IFNAR1: variants seen among roughly 807,000 people sequenced by gnomAD.
IFNAR1 encodes the protein interferon alpha and beta receptor subunit 1, also known as interferon alpha/beta receptor 1.
In IFNAR1, 47 loss-of-function variants were observed where a neutral mutation model predicts 62.1. The ratio of observed to expected loss-of-function variants is 0.76; its 90% confidence interval spans 0.60 to 0.97. IFNAR1 has a LOEUF of 0.97. Ranked by LOEUF, IFNAR1 falls within the 50% of genes least tolerant of loss-of-function variation. IFNAR1 has a pLI of 0.00. For synonymous variants in IFNAR1, 219 were observed against 226.9 expected (o/e 0.97, Z 0.31); for missense variants, 638 against 654.5 (o/e 0.97, Z 0.27).
chr21:33,348,482 T>C (rs2083369662), intron 6 of IFNAR1, among the ~76,000 whole-genome samples: 2 of 152,224 alleles, frequency 1.3e-5, no homozygotes, highest in African/African-American at 4.8e-5. Context: ...CCTCTGTCTT[T>C]AAAACAATTT....
At chr21:33,345,572 C>T (rs1476249310) in intron 6 of IFNAR1, among the ~76,000 whole-genome samples, 1 of 152,138 alleles carries the variant, frequency 6.6e-6, no homozygotes, top group Non-Finnish European at 1.5e-5. Context: ...CCATGGGCCT[C>T]AATTTCTTCA....
chr21:33,326,254 G>T (rs1011222552), intron 1 of IFNAR1, among the ~76,000 whole-genome samples: 2 of 148,600 alleles, frequency 1.3e-5, no homozygotes, highest in South Asian at 2.1e-4. Flanking sequence ...GCCCAGGCTG[G>T]TGTGCAGAGG....
intron 1 of IFNAR1, among the ~76,000 whole-genome samples, chr21:33,325,401 C>T (rs1291488540): frequency 6.6e-6 from 1 of 152,196 alleles, no homozygotes; most frequent in Non-Finnish European, 1.5e-5. Flanking sequence ...GGTGCCAGAG[C>T]TTTGTGTCGA....
At chr21:33,341,914 C>T (rs2083295629) in intron 3 of IFNAR1, among the ~76,000 whole-genome samples, 1 of 152,184 alleles carries the variant, frequency 6.6e-6, no homozygotes, top group African/African-American at 2.4e-5. Context: ...CTCCCAACCT[C>T]AGGTGATCTG....
rs904459880 is a variant in IFNAR1, at chr21:33,359,083, C to T, written c.*3534C>T. On this transcript the variant is annotated 3_prime_UTR_variant, in exon 11 of 11. Coordinates refer to ENST00000270139, the MANE Select transcript of IFNAR1 (RefSeq NM_000629.3). Reference sequence around the variant, plus strand: ...GGGACCTTATTATTCATTACTGCATCCCCAGTAATGAAAGTACTTAGAAAA... The same window carrying T: ...GGGACCTTATTATTCATTACTGCATTCCCAGTAATGAAAGTACTTAGAAAA... 2 of 152,060 alleles carry T rather than the reference C, an allele frequency of 1.3e-5. No individual in the cohort carries two copies. The highest frequency in any genetic ancestry group is 2.9e-5 in the Non-Finnish European group (2 of 68,016). The allele number at this position is 152,060 out of a possible 1,614,324, so 9.4% of individuals were successfully genotyped here.
At chr21:33,352,936 A>C (rs1330565406) in intron 9 of IFNAR1, 28 bp downstream of exon 9, 5 of 1,519,570 alleles carry the variant, frequency 3.3e-6, no homozygotes, top group Non-Finnish European at 4.5e-6. Flanking sequence ...TCTTTTTTAA[A>C]AATGTAGCTA....
intron 9 of IFNAR1, 81 bp from the exon 10 acceptor site, chr21:33,353,557 C>T (rs575787006): frequency 1.4e-6 from 1 of 720,150 alleles, no homozygotes; most frequent in South Asian, 2.1e-5. Context: ...TTTCATATGG[C>T]TAGTCTTTCA....
At chr21:33,327,660 A>C (rs988162273) in intron 1 of IFNAR1, among the ~76,000 whole-genome samples, 1 of 152,190 alleles carries the variant, frequency 6.6e-6, no homozygotes, top group African/African-American at 2.4e-5. Flanking sequence ...CTGTGAGCCC[A>C]AAAATATCTG....
chr21:33,328,362 G>A (rs1376243104), intron 1 of IFNAR1, among the ~76,000 whole-genome samples: 1 of 152,098 alleles, frequency 6.6e-6, no homozygotes, highest in Admixed American at 6.5e-5. Context: ...AGAGAGGAGG[G>A]TATAATGAGG....
intron 3 of IFNAR1, among the ~76,000 whole-genome samples, chr21:33,342,715 G>A (rs1765014175): frequency 1.3e-5 from 2 of 149,644 alleles, no homozygotes; most frequent in Admixed American, 1.3e-4. Flanking sequence ...AAACTAGCCG[G>A]GCATGGTGGC....
chr21:33,343,283 C>T lies in IFNAR1; in HGVS notation c.392C>T (p.Pro131Leu), dbSNP rs1365775824. The T allele has an allele frequency of 1.2e-6, 2 of 1,612,412 alleles. No individual in the cohort carries two copies. The highest frequency in any genetic ancestry group is 4.5e-5 in the East Asian group (2 of 44,868). Reference sequence around the variant, plus strand: ...TTTTTTGCAGCTCAGATTGGTCCTCCAGAAGTACATTTAGAAGCTGAAGAT... The same window carrying T: ...TTTTTTGCAGCTCAGATTGGTCCTCTAGAAGTACATTTAGAAGCTGAAGAT... ...TPFRKAQIGP[P>L]EVHLEAEDKA... The change falls in exon 4 of 11, where the codon CCA becomes CTA. Residue 131 changes from proline (P) to leucine (L), a missense_variant. Physicochemically the swap from Pro to Leu is moderately conservative, Grantham distance 98. Coordinates refer to ENST00000270139, the MANE Select transcript of IFNAR1 (RefSeq NM_000629.3).
At chr21:33,344,577 G>A (rs944978818) in intron 5 of IFNAR1, among the ~76,000 whole-genome samples, 2 of 151,738 alleles carry the variant, frequency 1.3e-5, no homozygotes, top group African/African-American at 4.8e-5. Context: ...CAGGATTTAT[G>A]TAAGCATATA....
chr21:33,332,834 G>A (rs1176187360), intron 1 of IFNAR1, among the ~76,000 whole-genome samples: 1 of 152,136 alleles, frequency 6.6e-6, no homozygotes. Flanking sequence ...GAAAAAACAA[G>A]TGAAACCCTA....
At chr21:33,342,688 C>CAAA (rs757422966) in intron 3 of IFNAR1, among the ~76,000 whole-genome samples, 1,654 of 93,470 alleles carry the variant, frequency 0.018, 55 homozygotes, top group African/African-American at 0.063. Context: ...ACTAAAAATA[C>CAAA]AAAAAAAAAA....
rs2083110283 is a variant in IFNAR1 at position 33,324,990 on chromosome 21, G to A, written c.-66G>A. On this transcript the variant is annotated 5_prime_UTR_variant, in exon 1 of 11. Transcript: ENST00000270139. ...GGGGCGGTGTGACTTAGGACGGGGC[G>A]ATGGCGGCTGAGAGGAGCTGCGCGT... The A allele has an allele frequency of 1.6e-5, 23 of 1,438,218 alleles. No homozygotes were observed. Among genetic ancestry groups the A allele is most frequent in the Non-Finnish European group, 2.1e-5 (22 of 1,045,792 alleles). The allele number at this position is 1,438,218 out of a possible 1,614,324, so 89.1% of individuals were successfully genotyped here.
chr21:33,349,448 A>G lies in IFNAR1; in HGVS notation c.1048A>G (p.Ile350Val). The change falls in exon 8 of 11, where the codon ATC becomes GTC. Residue 350 changes from isoleucine (I) to valine (V), a missense_variant. Coordinates refer to ENST00000270139, the MANE Select transcript of IFNAR1 (RefSeq NM_000629.3). ...RSLSDSFHIY[I>V]GAPKQSGNTP... Reference sequence around the variant, plus strand: ...CCTTAGTGATTCATTCCATATCTATATCGGTGCTCCAAAACAGTCTGGAAA... The same window carrying G: ...CCTTAGTGATTCATTCCATATCTATGTCGGTGCTCCAAAACAGTCTGGAAA... 3 of 1,611,322 alleles carry G rather than the reference A, an allele frequency of 1.9e-6. No individual in the cohort carries two copies. Among genetic ancestry groups the G allele is most frequent in the Non-Finnish European group, 2.5e-6 (3 of 1,177,644 alleles).
In IFNAR1 at chr21:33,349,234, A is replaced by T; in HGVS notation, c.932A>T (p.Asp311Val). 5 of 1,613,496 alleles carry T rather than the reference A, an allele frequency of 3.1e-6. No individual in the cohort carries two copies. The highest frequency in any genetic ancestry group is 4.2e-6 in the Non-Finnish European group (5 of 1,179,584). Residue 311 changes from aspartate (D) to valine (V), a missense_variant, in exon 7 of 11, where the codon GAT becomes GTT. Transcript: ENST00000270139. ...GIYLLRVQAS[D>V]GNNTSFWSEE... Reference sequence around the variant, plus strand: ...TACCTTCTCCGCGTACAAGCATCTGATGGAAATAACACATCTTTTTGGTCT... The same window carrying T: ...TACCTTCTCCGCGTACAAGCATCTGTTGGAAATAACACATCTTTTTGGTCT...
chr21:33,330,256 C>A (rs937451243), intron 1 of IFNAR1, among the ~76,000 whole-genome samples: 2 of 152,230 alleles, frequency 1.3e-5, no homozygotes, highest in Middle Eastern at 6.8e-3. Context: ...AAGAGATGGG[C>A]GGTTGTTGTT....
At chr21:33,334,410 T>G (rs2083213167) in intron 1 of IFNAR1, among the ~76,000 whole-genome samples, 1 of 152,166 alleles carries the variant, frequency 6.6e-6, no homozygotes, top group African/African-American at 2.4e-5. Flanking sequence ...CCTGATACTT[T>G]GGAGACCAGT....
Sources: allele counts gnomAD v4.1 joint callset (sites outside exome capture counted in the v4.1 genomes callset), GRCh38; gene constraint gnomAD v4.1.1; transcripts MANE v1.5; gene names NCBI Gene and HGNC (gene_info 2026-07-23, HGNC 2026-07-21).